The following NEK11 variants were observed in gnomAD, a reference collection of about 807,000 sequenced individuals.
NEK11 encodes the protein serine/threonine-protein kinase Nek11.
Under a neutral mutation model 80.7 loss-of-function variants are expected in NEK11, and 72 were observed. The observed-to-expected ratio is 0.89, with a 90% CI of 0.74 to 1.08. NEK11 has a LOEUF of 1.08. Ranked by LOEUF, NEK11 falls within the 50% of genes least tolerant of loss-of-function variation. The pLI is 0.00. For missense variants in NEK11, 764 were observed against 763.6 expected (o/e 1.00, Z -0.01); for synonymous variants, 251 against 260.7 (o/e 0.96, Z 0.36).
intron 14 of NEK11, among the ~76,000 whole-genome samples, chr3:131,171,678 G>A (rs1320025064): frequency 6.6e-6 from 1 of 152,208 alleles, no homozygotes; most frequent in Admixed American, 6.5e-5. Flanking sequence ...GGCATGTGGA[G>A]TGGTCTTAGT....
At chr3:131,334,737 A>T (rs2097153116) in intron 17 of NEK11, among the ~76,000 whole-genome samples, 1 of 152,222 alleles carries the variant, frequency 6.6e-6, no homozygotes, top group African/African-American at 2.4e-5. Context: ...TTAATAAAGA[A>T]AAAAAGGGAG....
chr3:131,148,437 A>G (rs2088861105), intron 7 of NEK11, among the ~76,000 whole-genome samples: 1 of 151,962 alleles, frequency 6.6e-6, no homozygotes, highest in Non-Finnish European at 1.5e-5. Flanking sequence ...AAATATTTGG[A>G]AGAATTTATC....
At chr3:131,206,897 A>G (rs1417206096) in intron 14 of NEK11, among the ~76,000 whole-genome samples, 1 of 152,006 alleles carries the variant, frequency 6.6e-6, no homozygotes, top group Admixed American at 6.6e-5. Context: ...ATTCCCACCT[A>G]TGAGTGAGAA....
chr3:131,048,311 A>G (rs1470588397), intron 3 of NEK11, among the ~76,000 whole-genome samples: 1 of 152,162 alleles, frequency 6.6e-6, no homozygotes, highest in African/African-American at 2.4e-5. Context: ...GGTTCTGTCC[A>G]GGAAACTGCG....
At chr3:131,163,487 G>T (rs1260514103) in intron 11 of NEK11, among the ~76,000 whole-genome samples, 1 of 151,924 alleles carries the variant, frequency 6.6e-6, no homozygotes, top group African/African-American at 2.4e-5. Context: ...AATAAGCCAG[G>T]CATAGAAAGA....
At chr3:131,191,507 T>C (rs935081018) in intron 14 of NEK11, among the ~76,000 whole-genome samples, 4 of 152,202 alleles carry the variant, frequency 2.6e-5, no homozygotes, top group Non-Finnish European at 2.9e-5. Context: ...CTTATAATTA[T>C]ATTGGGCCCA....
intron 5 of NEK11, among the ~76,000 whole-genome samples, chr3:131,121,594 C>T (rs1381257330): frequency 6.6e-6 from 1 of 152,202 alleles, no homozygotes; most frequent in East Asian, 1.9e-4. Flanking sequence ...GTGGAGTCTA[C>T]AGAGGCAGGC....
intron 3 of NEK11, among the ~76,000 whole-genome samples, chr3:131,046,811 T>G (rs557997373): frequency 1.3e-5 from 2 of 152,348 alleles, no homozygotes; most frequent in Admixed American, 6.5e-5. Context: ...AGGTGTTCTT[T>G]GAGCTTCTCG....
At chr3:131,151,643 A>T (rs115343369) in intron 7 of NEK11, among the ~76,000 whole-genome samples, 2,776 of 152,184 alleles carry the variant, frequency 0.018, 42 homozygotes, top group Non-Finnish European at 0.028. Context: ...ATAATTCATT[A>T]TTCAGGAGAA....
chr3:131,271,387 A>G (rs1374869242), intron 16 of NEK11, among the ~76,000 whole-genome samples: 1 of 152,238 alleles, frequency 6.6e-6, no homozygotes, highest in Non-Finnish European at 1.5e-5. Flanking sequence ...GAGAATATTC[A>G]TCTCAATTAT....
chr3:131,239,978 C>T (rs1203788477), intron 15 of NEK11, among the ~76,000 whole-genome samples: 1 of 152,188 alleles, frequency 6.6e-6, no homozygotes, highest in Non-Finnish European at 1.5e-5. Context: ...ACTTACCTAA[C>T]TTTCAAACAA....
At chr3:131,193,764 C>T (rs2093893205) in intron 14 of NEK11, among the ~76,000 whole-genome samples, 1 of 152,008 alleles carries the variant, frequency 6.6e-6, no homozygotes, top group Non-Finnish European at 1.5e-5. Flanking sequence ...GTTGGGGGGC[C>T]TCCTATGGGG....
intron 16 of NEK11, among the ~76,000 whole-genome samples, chr3:131,261,226 A>G (rs932185373): frequency 9.2e-5 from 14 of 152,198 alleles, no homozygotes; most frequent in Admixed American, 8.5e-4. Context: ...TGTGCTTTGC[A>G]CTTTTAGGAA....
intron 7 of NEK11, among the ~76,000 whole-genome samples, chr3:131,148,417 T>C (rs990315963): frequency 6.6e-6 from 1 of 152,026 alleles, no homozygotes. Context: ...ATTATTGTTA[T>C]TTATTTCTTA....
chr3:131,144,352 T>G lies in NEK11; in HGVS notation c.648-8036T>G, dbSNP rs572238116. ...GAAATGCAAATTGTAGACTTCTAAG[T>G]AAAATACACATCTCACTTGTTTATT... On this transcript the variant is annotated intron_variant, in intron 7 of 17. Transcript: ENST00000383366. Among the ~76,000 whole-genome samples, 3 of 152,278 alleles carry G rather than the reference T, an allele frequency of 2.0e-5. No individual in the cohort carries two copies. The East Asian group carries it at 5.8e-4, about 29-fold the overall frequency.
intron 15 of NEK11, among the ~76,000 whole-genome samples, chr3:131,231,454 T>C (rs2095328733): frequency 6.8e-6 from 1 of 147,424 alleles, no homozygotes; most frequent in Non-Finnish European, 1.5e-5. Context: ...AACAGAAGTG[T>C]TGCCAAGTCC....
At chr3:131,085,382 G>A (rs2075837698) in intron 4 of NEK11, among the ~76,000 whole-genome samples, 1 of 152,192 alleles carries the variant, frequency 6.6e-6, no homozygotes, top group Non-Finnish European at 1.5e-5. Context: ...TATAGTCATT[G>A]TGTGGCATAA....
chr3:131,336,815 G>T (rs559626291), intron 17 of NEK11, among the ~76,000 whole-genome samples: 3 of 150,824 alleles, frequency 2.0e-5, no homozygotes, highest in African/African-American at 7.5e-5. Flanking sequence ...GACATGAACA[G>T]ACACTTCTCA....
At chr3:131,086,017 T>C (rs2075935909) in intron 4 of NEK11, among the ~76,000 whole-genome samples, 1 of 152,192 alleles carries the variant, frequency 6.6e-6, no homozygotes, top group African/African-American at 2.4e-5. Context: ...TTTATCACGA[T>C]TAGATTGAGG....
Sources: allele counts gnomAD v4.1 joint callset (sites outside exome capture counted in the v4.1 genomes callset), GRCh38; gene constraint gnomAD v4.1.1; transcripts MANE v1.5; gene names NCBI Gene and HGNC (gene_info 2026-07-23, HGNC 2026-07-21).